CCDC83: variants seen among roughly 807,000 people sequenced by gnomAD.
CCDC83 encodes coiled-coil domain-containing protein 83.
In CCDC83, 54 loss-of-function variants were observed where a neutral mutation model predicts 50.1. The observed-to-expected ratio is 1.08, with a 90% CI of 0.87 to 1.35. The LOEUF (loss-of-function observed/expected upper bound fraction) is 1.35, where lower values mean the gene tolerates loss of function less well. CCDC83 is among the 40% of genes most tolerant of loss of function. CCDC83 has a pLI of 0.00. For missense variants in CCDC83, 518 were observed against 473.9 expected, an observed-to-expected ratio of 1.09 and a Z score of -0.86; for synonymous variants, 161 against 153.3, an observed-to-expected ratio of 1.05 and a Z score of -0.37.
rs546480422 is a variant in CCDC83, at chr11:85,897,803, TTATAA to T, written c.604-1142_604-1138del. ...CGGCTCCTAAGAAATATAGGTCCAC[TTATAA>T]TGTAATAAGCATGACTTACAGAAAA... On this transcript the variant is annotated intron_variant, in intron 6 of 10. Transcript: ENST00000342404. Among the ~76,000 whole-genome samples, 328 of 152,300 alleles carry T rather than the reference TTATAA, an allele frequency of 2.2e-3. 2 individuals are homozygous for T. The highest frequency in any genetic ancestry group is 7.7e-3 in the African/African-American group (320 of 41,566).
At position 85,898,987 on chromosome 11, in the gene CCDC83, T is replaced by A. The variant is rs769015329; in HGVS notation, c.644T>A (p.Ile215Asn). The change falls in exon 7 of 11, where the codon ATC becomes AAC. Residue 215 changes from isoleucine (I) to asparagine (N), a missense_variant. Transcript: ENST00000342404. ...ATTGACAAGGGCAGTTATCTAGAGA[T>A]CTGGGAGAATGACTGGCTCAAAAAA... The part of the protein sequence containing the change: ...KLIDKGSYLE[I>N]WENDWLKKEV... 26 of 1,611,978 alleles carry A rather than the reference T, an allele frequency of 1.6e-5. No homozygotes were observed. Among genetic ancestry groups the A allele is most frequent in the Non-Finnish European group, 2.2e-5 (26 of 1,178,764 alleles).
At chr11:85,874,487 G>A (rs1429518800) in intron 3 of CCDC83, among the ~76,000 whole-genome samples, 1 of 152,162 alleles carries the variant, frequency 6.6e-6, no homozygotes, top group Non-Finnish European at 1.5e-5. Context: ...ATGAAGATTG[G>A]CTCAAGAATG....
At position 85,865,220 on chromosome 11, in the gene CCDC83, TAA is replaced by T; in HGVS notation, c.95+3_95+4del. 6.4e-7 allele frequency: 1 copy of T among 1,558,156 alleles called. No homozygotes were observed. The highest frequency in any genetic ancestry group is 1.4e-5 in the African/African-American group (1 of 73,832). ...CAGTGAAGCACTTCTAGACTATCAG[TAA>T]GTTTTTATTCTGAAATCTGAAAGTT... On this transcript the variant is annotated splice_donor_region_variant and intron_variant, in intron 2 of 10. Coordinates refer to ENST00000342404, the MANE Select transcript of CCDC83 (RefSeq NM_001286159.2).
chr11:85,874,731 G>A (rs2093259207), intron 3 of CCDC83, among the ~76,000 whole-genome samples: 1 of 152,158 alleles, frequency 6.6e-6, no homozygotes, highest in Non-Finnish European at 1.5e-5. Flanking sequence ...GACTGCTCTA[G>A]CAAAAGTTAT....
In CCDC83 at chr11:85,905,032, C is replaced by T. The variant is rs145572072; in HGVS notation, c.672+6017C>T. ...TTTAAGGCTGGGCATGTTGTTGGCT[C>T]ATGCCTGTAATCCCAGCACTTTGGG... On this transcript the variant is annotated intron_variant, in intron 7 of 10. Transcript: ENST00000342404. Among the ~76,000 whole-genome samples, 1,309 of 152,360 alleles carry T rather than the reference C, an allele frequency of 8.6e-3. 7 individuals are homozygous for T. Among genetic ancestry groups the T allele is most frequent in the Non-Finnish European group, 0.014 (952 of 68,040 alleles).
Position 85,919,334 on chromosome 11 carries a change from G to A in CCDC83, c.1081-15G>A. 1.3e-6 allele frequency: 2 copies of A among 1,568,704 alleles called. No homozygotes were observed. The highest frequency in any genetic ancestry group is 1.7e-6 in the Non-Finnish European group (2 of 1,163,732). On this transcript the variant is annotated splice_polypyrimidine_tract_variant and intron_variant, in intron 10 of 10. Transcript: ENST00000342404. ...AATCACCTCTCCTATTCTTTTTTGTGCCTGTTCACCATAGGATTATGTAAA... is the reference window on the plus strand; with the variant it reads ...AATCACCTCTCCTATTCTTTTTTGTACCTGTTCACCATAGGATTATGTAAA...
At chr11:85,886,535 C>A (rs1269294311) in intron 5 of CCDC83, among the ~76,000 whole-genome samples, 168 bp downstream of exon 5, 1 of 152,152 alleles carries the variant, frequency 6.6e-6, no homozygotes, top group African/African-American at 2.4e-5. Context: ...GAAAAATGAT[C>A]CCAGGACCAC....
At chr11:85,906,534 G>GA (rs1186170668) in intron 7 of CCDC83, among the ~76,000 whole-genome samples, 16 of 151,650 alleles carry the variant, frequency 1.1e-4, no homozygotes, top group African/African-American at 2.2e-4. Flanking sequence ...ATAAATGACA[G>GA]AAAAAAAAGT....
intron 2 of CCDC83, among the ~76,000 whole-genome samples, chr11:85,869,977 C>G (rs963682664): frequency 6.6e-6 from 1 of 152,160 alleles, no homozygotes. Flanking sequence ...TCTCAGAATT[C>G]CCCACTGAGG....
chr11:85,893,940 G>T (rs1169663369), intron 5 of CCDC83, among the ~76,000 whole-genome samples: 1 of 152,008 alleles, frequency 6.6e-6, no homozygotes, highest in African/African-American at 2.4e-5. Flanking sequence ...GTTACTTGTT[G>T]AAAAAAGGAA....
intron 5 of CCDC83, among the ~76,000 whole-genome samples, chr11:85,891,231 A>G (rs748218828): frequency 8.5e-5 from 13 of 152,126 alleles, no homozygotes; most frequent in Non-Finnish European, 1.8e-4. Context: ...CTTATCAAAC[A>G]TGACCAATGG....
At chr11:85,886,174 T>G (rs770584851) in intron 4 of CCDC83, 26 bp from the exon 5 acceptor site, 13 of 1,498,116 alleles carry the variant, frequency 8.7e-6, no homozygotes, top group African/African-American at 1.4e-5. Flanking sequence ...AAAACAGAAA[T>G]GACACAGTGT....
chr11:85,906,093 C>G (rs1272421092), intron 7 of CCDC83, among the ~76,000 whole-genome samples: 2 of 150,258 alleles, frequency 1.3e-5, no homozygotes, highest in Admixed American at 6.6e-5. Flanking sequence ...TGAGACGGAG[C>G]CTCACTCTGT....
chr11:85,911,232 A>G, intron 7 of CCDC83, 49 bp from the exon 8 acceptor site: 1 of 1,411,278 alleles, frequency 7.1e-7, no homozygotes, highest in East Asian at 2.6e-5. Context: ...AAAACTTAAT[A>G]GAACTGAATC....
chr11:85,909,611 T>C (rs1371570266), intron 7 of CCDC83, among the ~76,000 whole-genome samples: 1 of 83,734 alleles, frequency 1.2e-5, no homozygotes. Context: ...AAAATACACT[T>C]TTTTTTTTTT....
chr11:85,876,680 C>A (rs1425779544), intron 3 of CCDC83, among the ~76,000 whole-genome samples: 1 of 152,062 alleles, frequency 6.6e-6, no homozygotes, highest in Non-Finnish European at 1.5e-5. Context: ...AATTTGTGTA[C>A]TTTTTGTAGA....
chr11:85,866,672 A>C lies in CCDC83; in HGVS notation c.95+1454A>C, dbSNP rs866771595. ...CTGTCTCAAAAAAACAAAACAAAAA[A>C]AAAAAACAGAAAAAAACATGGCTAT... On this transcript the variant is annotated intron_variant, in intron 2 of 10. Coordinates refer to ENST00000342404, the MANE Select transcript of CCDC83 (RefSeq NM_001286159.2). Among the ~76,000 whole-genome samples, 979 of 146,170 alleles carry C rather than the reference A, an allele frequency of 6.7e-3. 13 individuals carry two copies. The highest frequency in any genetic ancestry group is 0.022 in the African/African-American group (911 of 40,568).
intron 1 of CCDC83, among the ~76,000 whole-genome samples, chr11:85,862,234 T>A (rs1417383717): frequency 6.6e-6 from 1 of 152,086 alleles, no homozygotes; most frequent in African/African-American, 2.4e-5. Flanking sequence ...ATTGCAAGAT[T>A]TTATGACAGA....
intron 3 of CCDC83, among the ~76,000 whole-genome samples, chr11:85,875,718 T>A (rs1184966686): frequency 6.6e-6 from 1 of 152,230 alleles, no homozygotes; most frequent in African/African-American, 2.4e-5. Flanking sequence ...TGTTTTGAGG[T>A]CATAGATATT....
Sources: allele counts gnomAD v4.1 joint callset (sites outside exome capture counted in the v4.1 genomes callset), GRCh38; gene constraint gnomAD v4.1.1; transcripts MANE v1.5; gene names NCBI Gene and HGNC (gene_info 2026-07-23, HGNC 2026-07-21).